The following SLA variants were observed in gnomAD, a reference collection of about 807,000 sequenced individuals.
The protein encoded by SLA is Src like adaptor.
Under a neutral mutation model 30.3 loss-of-function variants are expected in SLA, and 16 were observed. That is an observed-to-expected ratio of 0.53 (90% confidence interval 0.36 to 0.80). The LOEUF (loss-of-function observed/expected upper bound fraction) is 0.80, where lower values mean the gene tolerates loss of function less well. Ranked by LOEUF, SLA falls within the 30% of genes least tolerant of loss-of-function variation. SLA has a pLI of 0.01. For missense variants in SLA, 310 were observed against 345.2 expected (o/e 0.90, Z 0.81); for synonymous variants, 143 against 137.8 (o/e 1.04, Z -0.26).
At chr8:133,067,931 GAA>G (rs1564145989) in intron 2 of SLA, among the ~76,000 whole-genome samples, 13 of 148,650 alleles carry the variant, frequency 8.7e-5, no homozygotes, top group African/African-American at 2.3e-4. Flanking sequence ...GAGAGAGAGA[GAA>G]AGAAAGAAAG....
At chr8:133,094,844 G>A in intron 1 of SLA, 1 of 695,596 alleles carries the variant, frequency 1.4e-6, no homozygotes, top group Non-Finnish European at 2.5e-6. Context: ...GGCCTAGAGA[G>A]ACATCTTCAG....
At chr8:133,099,457 G>A (rs1351146693) in intron 1 of SLA, among the ~76,000 whole-genome samples, 1 of 152,192 alleles carries the variant, frequency 6.6e-6, no homozygotes, top group African/African-American at 2.4e-5. Flanking sequence ...CAGTGCCACT[G>A]CATGCAATCA....
At chr8:133,089,251 C>T (rs957228714) in intron 1 of SLA, among the ~76,000 whole-genome samples, 3 of 152,202 alleles carry the variant, frequency 2.0e-5, no homozygotes, top group Non-Finnish European at 4.4e-5. Flanking sequence ...TCTTCTGTTC[C>T]GCATATGGTG....
intron 1 of SLA, among the ~76,000 whole-genome samples, chr8:133,097,183 T>C (rs917033114): frequency 1.3e-5 from 2 of 152,250 alleles, no homozygotes; most frequent in Non-Finnish European, 2.9e-5. Context: ...CTGTTGAATA[T>C]AAGGCAGTCT....
At chr8:133,102,119 T>C (rs1315863702) in intron 1 of SLA, among the ~76,000 whole-genome samples, 1 of 152,236 alleles carries the variant, frequency 6.6e-6, no homozygotes, top group Non-Finnish European at 1.5e-5. Context: ...TTAATTTTAA[T>C]ATTAAGATTA....
chr8:133,051,145 G>A (rs1840335303), intron 3 of SLA, among the ~76,000 whole-genome samples: 1 of 152,134 alleles, frequency 6.6e-6, no homozygotes, highest in South Asian at 2.1e-4. Flanking sequence ...AGCCTGCCTT[G>A]GCCCTCATGT....
chr8:133,069,866 G>A (rs1015224131), intron 2 of SLA, among the ~76,000 whole-genome samples: 1 of 151,912 alleles, frequency 6.6e-6, no homozygotes, highest in East Asian at 1.9e-4. Context: ...GCTGGGCGTG[G>A]TGGCAGGTGC....
At chr8:133,080,991 C>A (rs969722802) in intron 1 of SLA, among the ~76,000 whole-genome samples, 1 of 152,236 alleles carries the variant, frequency 6.6e-6, no homozygotes, top group Admixed American at 6.5e-5. Context: ...ATTGGAGTAA[C>A]GAGCAAGAGA....
intron 3 of SLA, among the ~76,000 whole-genome samples, chr8:133,055,413 A>G (rs924584758): frequency 1.3e-5 from 2 of 151,644 alleles, no homozygotes; most frequent in Admixed American, 1.3e-4. Context: ...ACACAGGATT[A>G]TACATGCAAC....
At chr8:133,093,956 A>C (rs1332566911) in intron 1 of SLA, among the ~76,000 whole-genome samples, 1 of 152,168 alleles carries the variant, frequency 6.6e-6, no homozygotes, top group Non-Finnish European at 1.5e-5. Context: ...AGTGGTTGCT[A>C]TTATTTCCAT....
intron 2 of SLA, among the ~76,000 whole-genome samples, chr8:133,068,285 T>A (rs1433221066): frequency 6.6e-6 from 1 of 152,198 alleles, no homozygotes; most frequent in Non-Finnish European, 1.5e-5. Context: ...CTGACCCACA[T>A]GTCCAGGAGC....
chr8:133,091,317 T>G (rs1379124227), intron 1 of SLA, among the ~76,000 whole-genome samples: 2 of 152,188 alleles, frequency 1.3e-5, no homozygotes, highest in East Asian at 1.9e-4. Context: ...TAGACACCAC[T>G]GTAGATGAGG....
intron 3 of SLA, among the ~76,000 whole-genome samples, chr8:133,058,332 G>T (rs534499390): frequency 7.2e-5 from 11 of 152,316 alleles, no homozygotes; most frequent in Admixed American, 7.2e-4. Context: ...CTCTTCACCA[G>T]GGGGTGGAGG....
At chr8:133,099,363 G>T (rs765107085) in intron 1 of SLA, among the ~76,000 whole-genome samples, 2 of 152,192 alleles carry the variant, frequency 1.3e-5, no homozygotes, top group Non-Finnish European at 2.9e-5. Context: ...ATCCTGCCAA[G>T]AACTCATCTA....
chr8:133,089,524 C>T (rs1205165634), intron 1 of SLA, among the ~76,000 whole-genome samples: 1 of 152,158 alleles, frequency 6.6e-6, no homozygotes, highest in African/African-American at 2.4e-5. Context: ...CTCTGTGTCC[C>T]AGGGTTGGTG....
intron 7 of SLA, among the ~76,000 whole-genome samples, chr8:133,040,516 C>A (rs1457096496): frequency 6.6e-6 from 1 of 152,222 alleles, no homozygotes; most frequent in East Asian, 1.9e-4. Flanking sequence ...GAAGCCGCAG[C>A]CTTCCAGGGT....
chr8:133,040,141 A>G lies in SLA; in HGVS notation c.485-11T>C, dbSNP rs1271835854. 1 of 1,577,858 alleles carries G rather than the reference A, an allele frequency of 6.3e-7. No individual in the cohort carries two copies. Among genetic ancestry groups the G allele is most frequent in the Admixed American group, 1.8e-5 (1 of 54,138 alleles). On this transcript the variant is annotated splice_polypyrimidine_tract_variant and intron_variant, in intron 7 of 8. Transcript: ENST00000338087. Reference sequence around the variant, plus strand: ...GGCCATCAGCCACCTCTGAGGAGGGAAGCAGACAGCCGGTCAGGGACCCTG... The same window carrying G: ...GGCCATCAGCCACCTCTGAGGAGGGGAGCAGACAGCCGGTCAGGGACCCTG...
At chr8:133,076,581 C>T (rs1302617148) in intron 1 of SLA, 2 of 152,086 alleles carry the variant, frequency 1.3e-5, no homozygotes, top group African/African-American at 4.8e-5. Context: ...CCCAAATTCA[C>T]ACAGAGGAGT....
intron 1 of SLA, among the ~76,000 whole-genome samples, chr8:133,078,023 G>A (rs1437286499): frequency 6.6e-6 from 1 of 152,194 alleles, no homozygotes; most frequent in Non-Finnish European, 1.5e-5. Context: ...GTAAAGTGCT[G>A]CCCTGAGGGC....
Sources: allele counts gnomAD v4.1 joint callset (sites outside exome capture counted in the v4.1 genomes callset), GRCh38; gene constraint gnomAD v4.1.1; transcripts MANE v1.5; gene names NCBI Gene and HGNC (gene_info 2026-07-23, HGNC 2026-07-21).